C8orf34: variants seen among roughly 807,000 people sequenced by gnomAD.
C8orf34 encodes uncharacterized protein C8orf34.
Under a neutral mutation model 68.3 loss-of-function variants are expected in C8orf34, and 65 were observed. That is an observed-to-expected ratio of 0.95 (90% CI 0.78 to 1.17). The LOEUF is 1.17. Ranked by LOEUF, C8orf34 falls within the 50% of genes most tolerant of loss-of-function variation. The probability of loss-of-function intolerance (pLI) is 0.00; values close to 1 mark genes in which losing one functional copy is unlikely to be tolerated. For missense variants in C8orf34, 664 were observed against 655.4 expected, an observed-to-expected ratio of 1.01 and a Z score of -0.14; for synonymous variants, 244 against 241.2, an observed-to-expected ratio of 1.01 and a Z score of -0.11.
intron 10 of C8orf34, among the ~76,000 whole-genome samples, chr8:68,772,299 G>T (rs1454578885): frequency 6.6e-6 from 1 of 152,176 alleles, no homozygotes; most frequent in Non-Finnish European, 1.5e-5. Flanking sequence ...TTTGTCTAAG[G>T]ATTAATGAAA....
chr8:68,809,159 G>T (rs1585916010), intron 12 of C8orf34, among the ~76,000 whole-genome samples: 1 of 152,110 alleles, frequency 6.6e-6, no homozygotes, highest in Admixed American at 6.5e-5. Flanking sequence ...CCAATTGTCA[G>T]ATTTTAACTA....
chr8:68,396,282 T>G (rs1412786569), intron 1 of C8orf34, among the ~76,000 whole-genome samples: 1 of 152,054 alleles, frequency 6.6e-6, no homozygotes. Context: ...GTTTTAAAAT[T>G]TATAATATTT....
chr8:68,774,452 AT>A (rs1269710600), intron 10 of C8orf34, among the ~76,000 whole-genome samples: 2 of 151,810 alleles, frequency 1.3e-5, no homozygotes, highest in Admixed American at 6.6e-5. Context: ...TATGAACTTA[AT>A]TTTTCCCAGT....
At chr8:68,548,802 T>G (rs1815971783) in intron 7 of C8orf34, among the ~76,000 whole-genome samples, 1 of 151,732 alleles carries the variant, frequency 6.6e-6, no homozygotes, top group South Asian at 2.1e-4. Flanking sequence ...GTAAACAAAT[T>G]GTTGTATATT....
intron 11 of C8orf34, among the ~76,000 whole-genome samples, chr8:68,781,206 A>G (rs1823666453): frequency 6.6e-6 from 1 of 152,210 alleles, no homozygotes; most frequent in African/African-American, 2.4e-5. Context: ...TCAGGGCCAC[A>G]TATGATAAAT....
chr8:68,795,282 G>A (rs1563674444), intron 12 of C8orf34, among the ~76,000 whole-genome samples: 1 of 146,780 alleles, frequency 6.8e-6, no homozygotes, highest in Non-Finnish European at 1.5e-5. Flanking sequence ...TGTCTGGTAA[G>A]TTAATCATCT....
intron 8 of C8orf34, among the ~76,000 whole-genome samples, chr8:68,667,305 A>C (rs1001197400): frequency 3.9e-5 from 6 of 152,194 alleles, no homozygotes; most frequent in Non-Finnish European, 8.8e-5. Context: ...AATGAATCAA[A>C]TCAAACAAGA....
intron 3 of C8orf34, among the ~76,000 whole-genome samples, chr8:68,461,318 G>T (rs1196278674): frequency 6.6e-6 from 1 of 152,194 alleles, no homozygotes; most frequent in Non-Finnish European, 1.5e-5. Flanking sequence ...CATCTGATTG[G>T]TGTACCTGAA....
chr8:68,533,306 C>T (rs1279741630), intron 7 of C8orf34, 157 bp downstream of exon 7: 2 of 1,372,484 alleles, frequency 1.5e-6, no homozygotes, highest in Non-Finnish European at 9.4e-7. Flanking sequence ...CATAAAGTTG[C>T]ATGTAAGAAC....
chr8:68,513,249 A>G (rs1814357664), intron 5 of C8orf34, among the ~76,000 whole-genome samples: 1 of 152,224 alleles, frequency 6.6e-6, no homozygotes, highest in Non-Finnish European at 1.5e-5. Context: ...TGATCCAAGC[A>G]CTTGTCTTTC....
intron 3 of C8orf34, among the ~76,000 whole-genome samples, chr8:68,466,978 G>A (rs553945371): frequency 6.6e-6 from 1 of 151,564 alleles, no homozygotes; most frequent in East Asian, 1.9e-4. Context: ...ATGGTACATG[G>A]TTTAAAAAAG....
rs534506641 is a variant in C8orf34 at position 68,686,694 on chromosome 8, G to A, written c.1242-22300G>A. ...TACTAAATGGGGAAATGCTGAAATCGTTTTCCTTGAGAACTGGAACAAGAC... is the reference window on the plus strand; with the variant it reads ...TACTAAATGGGGAAATGCTGAAATCATTTTCCTTGAGAACTGGAACAAGAC... On this transcript the variant is annotated intron_variant, in intron 8 of 13. Coordinates refer to ENST00000518698, the MANE Select transcript of C8orf34 (RefSeq NM_052958.4). 4.6e-5 allele frequency among the ~76,000 whole-genome samples: 7 copies of A among 152,106 alleles called. No individual in the cohort carries two copies. In the East Asian group the frequency reaches 5.8e-4, roughly 13 times the overall value.
At chr8:68,583,978 TTATATCTA>T (rs1817137497) in intron 7 of C8orf34, among the ~76,000 whole-genome samples, 1 of 152,114 alleles carries the variant, frequency 6.6e-6, no homozygotes. Context: ...AAAAGTCTGG[TTATATCTA>T]TATATGTTAT....
intron 7 of C8orf34, among the ~76,000 whole-genome samples, chr8:68,586,947 C>T (rs889278397): frequency 5.9e-5 from 9 of 152,098 alleles, no homozygotes; most frequent in African/African-American, 1.9e-4. Flanking sequence ...TACTTCCATG[C>T]TATGACTAAT....
At chr8:68,338,648 G>T (rs1805949743) in intron 1 of C8orf34, among the ~76,000 whole-genome samples, 1 of 151,996 alleles carries the variant, frequency 6.6e-6, no homozygotes, top group Non-Finnish European at 1.5e-5. Context: ...CCATGTTGCA[G>T]CATGTTACCA....
In C8orf34 at chr8:68,609,418, T is replaced by A. The variant is rs143178458; in HGVS notation, c.1106-30958T>A. Among the ~76,000 whole-genome samples, 549 of 152,198 alleles carry A rather than the reference T, an allele frequency of 3.6e-3. 1 individual carries two copies. The highest frequency in any genetic ancestry group is 6.7e-3 in the Non-Finnish European group (453 of 67,998). The stretch of plus-strand genomic sequence containing the variant: ...GAACAGAGAATAAGAAAACTAAGAA[T>A]GTAAACTTGAAGAATCTCGAAATGA... On this transcript the variant is annotated intron_variant, in intron 7 of 13. Transcript: ENST00000518698.
At chr8:68,763,263 AG>A (rs973628989) in intron 10 of C8orf34, among the ~76,000 whole-genome samples, 1 of 152,228 alleles carries the variant, frequency 6.6e-6, no homozygotes, top group Non-Finnish European at 1.5e-5. Flanking sequence ...TTCTGCAAGC[AG>A]GTAATTTCAC....
intron 1 of C8orf34, among the ~76,000 whole-genome samples, chr8:68,397,001 A>T (rs1808743484): frequency 6.6e-6 from 1 of 151,736 alleles, no homozygotes; most frequent in African/African-American, 2.4e-5. Flanking sequence ...AAAAATTTTT[A>T]TTTTATTTAT....
intron 10 of C8orf34, among the ~76,000 whole-genome samples, chr8:68,750,132 C>G (rs772401437): frequency 2.6e-5 from 4 of 152,000 alleles, no homozygotes; most frequent in Non-Finnish European, 4.4e-5. Flanking sequence ...TATATCCAAA[C>G]AAATTGAAAA....
Sources: gnomAD v4.1 joint callset for allele counts (sites outside exome capture counted in the v4.1 genomes callset) on GRCh38, gnomAD v4.1.1 for gene constraint, MANE v1.5 for transcripts, NCBI Gene and HGNC (gene_info 2026-07-23, HGNC 2026-07-21) for gene names.